Variants in FHIT observed in about 807,000 individuals in gnomAD.
FHIT encodes the protein fragile histidine triad diadenosine triphosphatase.
Under a neutral mutation model 17.9 loss-of-function variants are expected in FHIT, and 19 were observed. That is an observed-to-expected ratio of 1.06 (90% confidence interval 0.74 to 1.56). The LOEUF (loss-of-function observed/expected upper bound fraction) is 1.56. Ranked by LOEUF, FHIT falls within the 40% of genes most tolerant of loss-of-function variation. The pLI is 0.00. For synonymous variants in FHIT, 81 were observed against 69.7 expected, an observed-to-expected ratio of 1.16 and a Z score of -0.81; for missense variants, 248 against 189.2, an observed-to-expected ratio of 1.31 and a Z score of -1.82.
chr3:59,833,063 T>C (rs148911363), intron 8 of FHIT, among the ~76,000 whole-genome samples: 2 of 152,314 alleles, frequency 1.3e-5, no homozygotes, highest in East Asian at 3.9e-4. Flanking sequence ...TTTGCAATGA[T>C]ATCTGAGCAC....
chr3:61,066,667 G>T (rs1039008101), intron 2 of FHIT, among the ~76,000 whole-genome samples: 2 of 152,052 alleles, frequency 1.3e-5, no homozygotes, highest in Non-Finnish European at 2.9e-5. Flanking sequence ...TTAATGAGCC[G>T]TTATGTCTGC....
In FHIT at chr3:60,035,840, ACTTT is replaced by A. The variant is rs780443190; in HGVS notation, c.104-21692_104-21689del. 1.1e-3 allele frequency among the ~76,000 whole-genome samples: 174 copies of A among 152,248 alleles called. 4 individuals are homozygous for A. The highest frequency in any genetic ancestry group is 3.2e-4 in the Non-Finnish European group (22 of 68,034). ...TGTCTTCTACTCTGAATATCTTTTGACTTTCTATCAATAGGTTAAGCTAGGTGTT... is the reference window on the plus strand; with the variant it reads ...TGTCTTCTACTCTGAATATCTTTTGACTATCAATAGGTTAAGCTAGGTGTT... On this transcript the variant is annotated intron_variant, in intron 5 of 9. Coordinates refer to ENST00000492590, the MANE Select transcript of FHIT (RefSeq NM_002012.4).
At chr3:59,798,139 C>A (rs1699853201) in intron 8 of FHIT, among the ~76,000 whole-genome samples, 1 of 152,182 alleles carries the variant, frequency 6.6e-6, no homozygotes, top group Non-Finnish European at 1.5e-5. Context: ...CAAAAACCTT[C>A]TTCATGTCCC....
intron 4 of FHIT, among the ~76,000 whole-genome samples, chr3:60,573,064 C>G (rs1007715266): frequency 6.6e-6 from 1 of 152,180 alleles, no homozygotes; most frequent in South Asian, 2.1e-4. Flanking sequence ...TCAGGACCTG[C>G]ACCCAGGTCT....
At chr3:60,247,523 G>A (rs1285416908) in intron 5 of FHIT, among the ~76,000 whole-genome samples, 1 of 152,126 alleles carries the variant, frequency 6.6e-6, no homozygotes. Context: ...GTCATTAAAT[G>A]TTTTGGGTTT....
At chr3:60,327,574 G>A (rs1218395657) in intron 5 of FHIT, among the ~76,000 whole-genome samples, 1 of 152,188 alleles carries the variant, frequency 6.6e-6, no homozygotes, top group Non-Finnish European at 1.5e-5. Flanking sequence ...CATATGGTGT[G>A]TGCTAAATAT....
chr3:59,975,982 G>A (rs1287056275), intron 7 of FHIT, among the ~76,000 whole-genome samples: 1 of 152,056 alleles, frequency 6.6e-6, no homozygotes, highest in Non-Finnish European at 1.5e-5. Context: ...GGTGATTAGT[G>A]AGAGTTTAAG....
At chr3:61,087,287 T>A (rs1168227606) in intron 2 of FHIT, among the ~76,000 whole-genome samples, 1 of 152,130 alleles carries the variant, frequency 6.6e-6, no homozygotes, top group African/African-American at 2.4e-5. Flanking sequence ...ACATCCAACA[T>A]AAAGAGAACA....
intron 4 of FHIT, among the ~76,000 whole-genome samples, chr3:60,814,277 G>C (rs1701663712): frequency 6.6e-6 from 1 of 152,016 alleles, no homozygotes; most frequent in African/African-American, 2.4e-5. Flanking sequence ...ATCATGCTGA[G>C]GTTTGGGATA....
At chr3:60,673,525 G>T (rs183075528) in intron 4 of FHIT, among the ~76,000 whole-genome samples, 2 of 151,972 alleles carry the variant, frequency 1.3e-5, no homozygotes, top group Admixed American at 1.3e-4. Flanking sequence ...GGGGTGGGAT[G>T]GGGGGCAGCG....
chr3:60,014,220 C>A, intron 5 of FHIT, 68 bp from the exon 6 acceptor site: 1 of 1,532,050 alleles, frequency 6.5e-7, no homozygotes, highest in Non-Finnish European at 9.0e-7. Context: ...CAGTTCATAC[C>A]CACAGGATTG....
intron 3 of FHIT, among the ~76,000 whole-genome samples, chr3:61,036,901 G>GTTTTTTTTT (rs746649804): frequency 7.0e-4 from 49 of 70,308 alleles, no homozygotes; most frequent in African/African-American, 1.4e-3. Flanking sequence ...AGTCTGCTTT[G>GTTTTTTTTT]TTTTTTTTTT....
chr3:60,606,056 C>T (rs2038598341), intron 4 of FHIT, among the ~76,000 whole-genome samples: 1 of 152,074 alleles, frequency 6.6e-6, no homozygotes, highest in African/African-American at 2.4e-5. Context: ...ATGCTAAATT[C>T]CTAATCTCTC....
chr3:60,014,186 G>C, intron 5 of FHIT, 34 bp from the exon 6 acceptor site: 1 of 1,610,888 alleles, frequency 6.2e-7, no homozygotes, highest in Non-Finnish European at 8.5e-7. Context: ...CATGCTGCTG[G>C]CTTTGGGTAG....
In FHIT at chr3:59,995,920, G is replaced by A. The variant is rs562791805; in HGVS notation, c.279+15451C>T. Among the ~76,000 whole-genome samples the A allele has an allele frequency of 7.9e-5, 12 of 152,118 alleles. No individual in the cohort carries two copies. In the East Asian group the frequency reaches 1.4e-3, roughly 17 times the overall value. ...TCATCTCTTCTCCAGGGTTTTCCTC[G>A]GACTCTCTGATCAGCCTTTCCTTCA... On this transcript the variant is annotated intron_variant, in intron 7 of 9. Coordinates refer to ENST00000492590, the MANE Select transcript of FHIT (RefSeq NM_002012.4).
At chr3:61,090,053 G>C (rs1229252333) in intron 2 of FHIT, among the ~76,000 whole-genome samples, 2 of 152,170 alleles carry the variant, frequency 1.3e-5, no homozygotes, top group Non-Finnish European at 2.9e-5. Flanking sequence ...CAAAATCAAA[G>C]AGGTTTTTAT....
At chr3:61,125,989 G>A (rs9880554) in intron 2 of FHIT, among the ~76,000 whole-genome samples, 2 of 151,952 alleles carry the variant, frequency 1.3e-5, no homozygotes, top group Non-Finnish European at 2.9e-5. Context: ...GCTGCTCAGG[G>A]TATTAAGTAA....
chr3:60,942,134 A>C (rs4974238), intron 3 of FHIT, among the ~76,000 whole-genome samples: 133,933 of 152,168 alleles, frequency 0.88, 61,452 homozygotes, highest in East Asian at 1. Context: ...AGGTGCCCAC[A>C]GCCATGCCTG....
At chr3:60,411,594 G>A (rs761502258) in intron 5 of FHIT, among the ~76,000 whole-genome samples, 3 of 152,260 alleles carry the variant, frequency 2.0e-5, no homozygotes, top group Non-Finnish European at 4.4e-5. Context: ...TCAGCTGAAC[G>A]TTGTTTATTT....
Sources: gnomAD v4.1 joint callset for allele counts (sites outside exome capture counted in the v4.1 genomes callset) on GRCh38, gnomAD v4.1.1 for gene constraint, MANE v1.5 for transcripts, NCBI Gene and HGNC (gene_info 2026-07-23, HGNC 2026-07-21) for gene names.